Variants in DNAAF11 observed in about 807,000 individuals in gnomAD.
DNAAF11 encodes the protein leucine rich repeat containing 6.
DNAAF11 carries 45 observed loss-of-function variants against 60.8 expected under a neutral mutation model. The observed-to-expected ratio is 0.74, with a 90% CI of 0.58 to 0.95. DNAAF11 has a LOEUF of 0.95. Among genes scored for constraint, DNAAF11 ranks in the 40% least tolerant of loss-of-function variants. The pLI is 0.00. For missense variants in DNAAF11, 546 were observed against 546.2 expected (o/e 1.00, Z 0.00); for synonymous variants, 191 against 183.5 (o/e 1.04, Z -0.33).
chr8:132,677,311 C>T (rs947713570), upstream of DNAAF11, among the ~76,000 whole-genome samples: 1 of 152,166 alleles, frequency 6.6e-6, no homozygotes, highest in Admixed American at 6.5e-5. Flanking sequence ...AGATTAGTTT[C>T]TAAGCTGACA....
chr8:132,667,659 G>T (rs1824766323), intron 1 of DNAAF11, among the ~76,000 whole-genome samples: 1 of 152,152 alleles, frequency 6.6e-6, no homozygotes, highest in Non-Finnish European at 1.5e-5. Flanking sequence ...CTTGATGAAG[G>T]ATATTGACAG....
the DNAAF11 span, among the ~76,000 whole-genome samples, chr8:132,698,965 C>G: frequency 1.0e-5 from 1 of 97,610 alleles, no homozygotes; most frequent in African/African-American, 6.1e-5. Flanking sequence ...TACACACACA[C>G]ACACACAAAA....
chr8:132,638,077 G>T lies in DNAAF11; in HGVS notation c.287C>A (p.Thr96Asn), dbSNP rs1410716506. 6.2e-7 allele frequency: 1 copy of T among 1,614,076 alleles called. No individual in the cohort carries two copies. The stretch of plus-strand genomic sequence containing the variant: ...GCTCAGCTCTCCAATGAAATTCACA[G>T]TCAGGTCAAGTTTTGCCAGCTCTTC... ...GCEELAKLDL[T>N]VNFIGELSSI... Residue 96 changes from threonine to asparagine, a missense_variant, in exon 4 of 12, where the codon ACT becomes AAT. Transcript: ENST00000620350.
At chr8:132,642,622 CG>C (rs1563671759) in intron 3 of DNAAF11, among the ~76,000 whole-genome samples, 1 of 152,172 alleles carries the variant, frequency 6.6e-6, no homozygotes, top group African/African-American at 2.4e-5. Flanking sequence ...CCTGGAGAAT[CG>C]TAAAGGCAGT....
At chr8:132,579,731 G>A (rs748640280) in intron 11 of DNAAF11, among the ~76,000 whole-genome samples, 54 of 152,186 alleles carry the variant, frequency 3.5e-4, no homozygotes, top group Non-Finnish European at 7.1e-4. Flanking sequence ...GTAGTGTCTC[G>A]TGCCTGTAAT....
At chr8:132,675,396 G>A in intron 1 of DNAAF11, 88 bp downstream of exon 1, 3 of 1,433,112 alleles carry the variant, frequency 2.1e-6, no homozygotes, top group South Asian at 1.3e-5. Context: ...GACAGCGCAG[G>A]GCGGGAGCGG....
At chr8:132,593,695 T>C (rs1008361469) in intron 10 of DNAAF11, among the ~76,000 whole-genome samples, 14 of 152,044 alleles carry the variant, frequency 9.2e-5, no homozygotes, top group African/African-American at 2.9e-4. Context: ...TAGGGTAGTA[T>C]TGGCATAATA....
chr8:132,600,809 C>G (rs1817533801), intron 10 of DNAAF11, among the ~76,000 whole-genome samples: 1 of 152,160 alleles, frequency 6.6e-6, no homozygotes, highest in Admixed American at 6.5e-5. Context: ...AGACCTAAAA[C>G]CATAAAAACC....
At chr8:132,581,115 T>C (rs1393089281) in intron 11 of DNAAF11, among the ~76,000 whole-genome samples, 1 of 152,088 alleles carries the variant, frequency 6.6e-6, no homozygotes, top group Non-Finnish European at 1.5e-5. Flanking sequence ...CAAATTAAAT[T>C]GTCATACTTT....
chr8:132,617,759 A>G (rs1450876013), intron 7 of DNAAF11, among the ~76,000 whole-genome samples: 1 of 151,900 alleles, frequency 6.6e-6, no homozygotes, highest in Admixed American at 6.6e-5. Flanking sequence ...GGACCTCTTC[A>G]AGGAGAACTA....
intron 11 of DNAAF11, among the ~76,000 whole-genome samples, chr8:132,579,967 G>A (rs1188528837): frequency 6.6e-6 from 1 of 151,160 alleles, no homozygotes; most frequent in Admixed American, 6.6e-5. Flanking sequence ...TCACATTCCA[G>A]CCTGGGCAAC....
chr8:132,690,221 G>A, the DNAAF11 span, among the ~76,000 whole-genome samples: 3 of 152,060 alleles, frequency 2.0e-5, no homozygotes, highest in South Asian at 4.1e-4. Flanking sequence ...ATGTCCCCAT[G>A]CAAATCTCAT....
intron 10 of DNAAF11, among the ~76,000 whole-genome samples, chr8:132,604,978 A>T (rs1266387234): frequency 6.6e-6 from 1 of 152,160 alleles, no homozygotes; most frequent in East Asian, 1.9e-4. Context: ...ATGCAATCTT[A>T]ATAATTATAA....
the DNAAF11 span, among the ~76,000 whole-genome samples, chr8:132,696,490 C>T: frequency 2.0e-5 from 3 of 151,990 alleles, no homozygotes; most frequent in Admixed American, 6.5e-5. Context: ...TTTTTCATAA[C>T]CAAAGGGTAG....
chr8:132,665,918 A>G (rs962914722), intron 1 of DNAAF11, among the ~76,000 whole-genome samples: 3 of 139,830 alleles, frequency 2.1e-5, no homozygotes, highest in Admixed American at 2.1e-4. Flanking sequence ...ATGCAGCCAT[A>G]AAAAGAAAAA....
At chr8:132,636,168 G>C (rs999431218) in intron 4 of DNAAF11, among the ~76,000 whole-genome samples, 1 of 151,924 alleles carries the variant, frequency 6.6e-6, no homozygotes, top group Non-Finnish European at 1.5e-5. Flanking sequence ...TGGTAATTAA[G>C]ACTCTAAAGC....
upstream of DNAAF11, among the ~76,000 whole-genome samples, chr8:132,679,017 T>C (rs111819850): frequency 3.6e-3 from 543 of 152,234 alleles, no homozygotes; most frequent in Non-Finnish European, 6.3e-3. Context: ...CGCTCAACAC[T>C]GCCCATGTAC....
intron 11 of DNAAF11, among the ~76,000 whole-genome samples, chr8:132,580,120 G>C (rs1479322576): frequency 1.3e-5 from 2 of 150,860 alleles, no homozygotes; most frequent in East Asian, 3.9e-4. Flanking sequence ...ATGAAAACAT[G>C]AACTATAAAA....
chr8:132,598,610 G>A (rs1051468667), intron 10 of DNAAF11, among the ~76,000 whole-genome samples: 7 of 152,166 alleles, frequency 4.6e-5, no homozygotes, highest in South Asian at 2.1e-4. Flanking sequence ...TATATAAAAT[G>A]TTTTCAGTTT....
Sources: allele counts gnomAD v4.1 joint callset (sites outside exome capture counted in the v4.1 genomes callset), GRCh38; gene constraint gnomAD v4.1.1; transcripts MANE v1.5; gene names NCBI Gene and HGNC (gene_info 2026-07-23, HGNC 2026-07-21).